RYR2: variants seen among roughly 807,000 people sequenced by gnomAD.
RYR2 encodes cardiac muscle ryanodine receptor-calcium release channel.
Under a neutral mutation model 601.1 loss-of-function variants are expected in RYR2, and 227 were observed. That is an observed-to-expected ratio of 0.38 (90% CI 0.34 to 0.42). The LOEUF is 0.42. RYR2 is among the 10% of genes least tolerant of loss of function. The probability of loss-of-function intolerance (pLI) is 1.00; values close to 1 mark genes in which losing one functional copy is unlikely to be tolerated. For missense variants in RYR2, 4,646 were observed against 6,156.5 expected (o/e 0.75, Z 8.21); for synonymous variants, 2,223 against 2,175.1 (o/e 1.02, Z -0.61).
At chr1:237,546,857 G>T (rs1167880144) in intron 25 of RYR2, among the ~76,000 whole-genome samples, 3 of 151,396 alleles carry the variant, frequency 2.0e-5, no homozygotes, top group Non-Finnish European at 4.4e-5. Flanking sequence ...GTGCTGGGGG[G>T]TCACTGTGAA....
chr1:237,531,539 A>G (rs2147948291), intron 25 of RYR2, among the ~76,000 whole-genome samples: 1 of 152,286 alleles, frequency 6.6e-6, no homozygotes, highest in African/African-American at 2.4e-5. Context: ...TAGCCACCCC[A>G]TAATCTCTAT....
At position 237,705,244 on chromosome 1, in the gene RYR2, G is replaced by A. The variant is rs1263592632; in HGVS notation, c.9481G>A (p.Ala3161Thr). The A allele has an allele frequency of 6.2e-7, 1 of 1,607,614 alleles. No individual in the cohort carries two copies. Among genetic ancestry groups the A allele is most frequent in the Non-Finnish European group, 8.5e-7 (1 of 1,176,324 alleles). ...TTCTGCATTAGGAGAATGTCTAGCT[G>A]CCTTTGCTGGTGCTTTTCCTGTAGC... ...QRSALGECLAAFAGAFPVAFL... is the reference protein window; with the variant it reads ...QRSALGECLATFAGAFPVAFL... The change falls in exon 67 of 105, where the codon GCC (alanine) becomes ACC (threonine). Residue 3161 changes from alanine to threonine, a missense_variant. Physicochemically the swap from Ala to Thr is moderately conservative, Grantham distance 58. Around this residue, in one of 17 missense-constraint regions of RYR2, gnomAD observed 1,497 missense variants for 1,842.6 expected, o/e 0.81. Transcript: ENST00000366574.
At chr1:237,758,296 T>C (rs1464461) in intron 82 of RYR2, among the ~76,000 whole-genome samples, 63,172 of 152,034 alleles carry the variant, frequency 0.42, 13,264 homozygotes, top group East Asian at 0.64. Flanking sequence ...GATCCTGTAA[T>C]GTATACTTCT....
At chr1:237,726,047 A>G (rs1032946410) in intron 74 of RYR2, among the ~76,000 whole-genome samples, 7 of 152,098 alleles carry the variant, frequency 4.6e-5, no homozygotes, top group African/African-American at 1.4e-4. Flanking sequence ...ATTGAAGTGG[A>G]TAATTGTCAC....
rs996864993 is a variant in RYR2, at chr1:237,141,718, C to T, written c.48+99149C>T. On this transcript the variant is annotated intron_variant, in intron 1 of 104. Transcript: ENST00000366574. ...GGCCCTGCCTGCCATTTTTAAGCTGCTTTTAAGCTAATTTTCTGGCTCTTT... is the reference window on the plus strand; with the variant it reads ...GGCCCTGCCTGCCATTTTTAAGCTGTTTTTAAGCTAATTTTCTGGCTCTTT... Among the ~76,000 whole-genome samples, 13 of 152,202 alleles carry T rather than the reference C, an allele frequency of 8.5e-5. 1 individual carries two copies. The highest frequency in any genetic ancestry group is 5.2e-4 in the Admixed American group (8 of 15,278).
intron 1 of RYR2, among the ~76,000 whole-genome samples, chr1:237,061,715 C>G (rs1199757143): frequency 6.6e-6 from 1 of 152,080 alleles, no homozygotes; most frequent in Admixed American, 6.6e-5. Flanking sequence ...CTTTTCCCCC[C>G]TCTGTTACTG....
rs764137403 is a variant in RYR2, at chr1:237,511,679, C to T, written c.2719-9C>T. ...GACTATTTTATGTCAATTTCCTGTC[C>T]TGTTTCAGGTTAGAGATGACAACAA... On this transcript the variant is annotated splice_polypyrimidine_tract_variant and intron_variant, in intron 23 of 104. Transcript: ENST00000366574. 1.9e-6 allele frequency: 3 copies of T among 1,552,338 alleles called. No individual in the cohort carries two copies. Among genetic ancestry groups the T allele is most frequent in the South Asian group, 2.4e-5 (2 of 84,252 alleles).
chr1:237,141,694 G>A (rs1571990222), intron 1 of RYR2, among the ~76,000 whole-genome samples: 1 of 152,194 alleles, frequency 6.6e-6, no homozygotes, highest in African/African-American at 2.4e-5. Flanking sequence ...TTAGAGATCG[G>A]CCCTGCCTGC....
chr1:237,648,537 A>C lies in RYR2; in HGVS notation c.7436A>C (p.Glu2479Ala). The C allele has an allele frequency of 6.2e-7, 1 of 1,611,480 alleles. No homozygotes were observed. Among genetic ancestry groups the C allele is most frequent in the Admixed American group, 1.7e-5 (1 of 59,742 alleles). The change falls in exon 49 of 105, where the codon GAG becomes GCG. Residue 2479 changes from glutamate (E) to alanine (A), a missense_variant. By Grantham distance (107) the Glu-to-Ala change is moderately radical (BLOSUM62 -1). Coordinates refer to ENST00000366574, the MANE Select transcript of RYR2 (RefSeq NM_001035.3). ...TTCCTTGACAGGGTCTATGGGATTG[A>C]GGTTCAAGACTTCCTCCTCCATCTT... ...VLFLDRVYGI[E>A]VQDFLLHLLE...
At chr1:237,603,730 G>T (rs2148520812) in intron 35 of RYR2, among the ~76,000 whole-genome samples, 1 of 152,248 alleles carries the variant, frequency 6.6e-6, no homozygotes, top group Non-Finnish European at 1.5e-5. Context: ...GATGGAGGAA[G>T]ATCTACCAAG....
chr1:237,621,605 A>AT (rs1382225163), intron 38 of RYR2, among the ~76,000 whole-genome samples: 2 of 152,100 alleles, frequency 1.3e-5, no homozygotes, highest in Non-Finnish European at 2.9e-5. Context: ...ATAACATGGG[A>AT]TTTTTTTCTT....
At chr1:237,391,418 T>C (rs557204550) in intron 10 of RYR2, among the ~76,000 whole-genome samples, 19 of 152,196 alleles carry the variant, frequency 1.2e-4, no homozygotes, top group Non-Finnish European at 2.5e-4. Context: ...TTCTTTCCTG[T>C]AATTATGATC....
At chr1:237,595,307 C>G (rs1172307125) in intron 33 of RYR2, among the ~76,000 whole-genome samples, 191 bp from the exon 34 acceptor site, 1 of 152,088 alleles carries the variant, frequency 6.6e-6, no homozygotes, top group Non-Finnish European at 1.5e-5. Flanking sequence ...ACTTATAAGA[C>G]CTGATTCAGA....
chr1:237,477,115 G>A (rs768113310), intron 17 of RYR2, among the ~76,000 whole-genome samples: 24 of 152,262 alleles, frequency 1.6e-4, no homozygotes, highest in Admixed American at 8.5e-4. Flanking sequence ...AAAATCAGCC[G>A]GGTGTGGTGG....
chr1:237,392,560 G>A lies in RYR2; in HGVS notation c.773+4377G>A, dbSNP rs1702473039. On this transcript the variant is annotated intron_variant, in intron 10 of 104. Transcript: ENST00000366574. ...AAGCCTGACATATTTTATGTGGAGA[G>A]TATTTTCTGTTCTAGATTTTGTTTC... is the stretch of plus-strand genomic sequence containing the variant. 2.6e-5 allele frequency among the ~76,000 whole-genome samples: 4 copies of A among 152,058 alleles called. No homozygotes were observed. The South Asian group carries it at 8.3e-4, about 31-fold the overall frequency.
At chr1:237,668,371 G>A (rs377492393) in intron 58 of RYR2, among the ~76,000 whole-genome samples, 69 of 151,740 alleles carry the variant, frequency 4.5e-4, no homozygotes, top group African/African-American at 1.3e-3. Flanking sequence ...CACTTTTCCC[G>A]TTTTTTTATT....
chr1:237,607,519 A>G (rs888599065), intron 35 of RYR2, among the ~76,000 whole-genome samples: 10 of 152,212 alleles, frequency 6.6e-5, no homozygotes, highest in Admixed American at 2.6e-4. Flanking sequence ...GCACATGTAT[A>G]CATATGTAAC....
At chr1:237,474,292 T>C (rs1244150975) in intron 17 of RYR2, among the ~76,000 whole-genome samples, 3 of 48,932 alleles carry the variant, frequency 6.1e-5, no homozygotes, top group Non-Finnish European at 1.4e-4. Context: ...CACATATATA[T>C]ATATACACAC....
At chr1:237,792,008 C>T in intron 93 of RYR2, 97 bp from the exon 94 acceptor site, 1 of 854,974 alleles carries the variant, frequency 1.2e-6, no homozygotes, top group South Asian at 1.5e-5. Flanking sequence ...ACTTCACATC[C>T]AACTATTTGC....
Sources: allele counts gnomAD v4.1 joint callset (sites outside exome capture counted in the v4.1 genomes callset), GRCh38; gene constraint gnomAD v4.1.1; regional missense constraint gnomAD v4.1.1; transcripts MANE v1.5; gene names NCBI Gene and HGNC (gene_info 2026-07-23, HGNC 2026-07-21).